The following MYL9 variants were observed in gnomAD, a reference collection of about 807,000 sequenced individuals.
MYL9 encodes the protein myosin light chain 9, also known as myosin regulatory light polypeptide 9.
MYL9 carries 7 observed loss-of-function variants against 12.8 expected under a neutral mutation model. The observed-to-expected ratio is 0.55, with a 90% CI of 0.31 to 1.03. MYL9 has a LOEUF of 1.03. Among genes scored for constraint, MYL9 ranks in the 50% least tolerant of loss-of-function variants. The probability of loss-of-function intolerance (pLI) is 0.05; values close to 1 mark genes in which losing one functional copy is unlikely to be tolerated. For missense variants in MYL9, 190 were observed against 242.7 expected, an observed-to-expected ratio of 0.78 and a Z score of 1.44; for synonymous variants, 81 against 87.8, an observed-to-expected ratio of 0.92 and a Z score of 0.43.
intron 3 of MYL9, among the ~76,000 whole-genome samples, 188 bp from the exon 4 acceptor site, chr20:36,548,889 G>A (rs758996024): frequency 2.6e-5 from 4 of 152,114 alleles, no homozygotes; most frequent in Middle Eastern, 3.4e-3. Flanking sequence ...CGTGGGATCC[G>A]ACACCCCTTC....
At chr20:36,544,104 T>A (rs1345921311) in intron 1 of MYL9, among the ~76,000 whole-genome samples, 2 of 152,042 alleles carry the variant, frequency 1.3e-5, no homozygotes, top group African/African-American at 4.8e-5. Context: ...AGAAGCCAGG[T>A]CTAAGCAAGG....
chr20:36,548,880 G>A (rs776097079), intron 3 of MYL9, among the ~76,000 whole-genome samples, 197 bp from the exon 4 acceptor site: 5 of 152,040 alleles, frequency 3.3e-5, no homozygotes, highest in African/African-American at 4.8e-5. Context: ...ACCCCTTCAC[G>A]TGGGATCCGA....
chr20:36,550,771 C>G lies in MYL9; in HGVS notation c.*1522C>G, dbSNP rs2038158551. 6.6e-6 allele frequency: 1 copy of G among 152,314 alleles called. No homozygotes were observed. The highest frequency in any genetic ancestry group is 1.5e-5 in the Non-Finnish European group (1 of 68,160). 9.4% of individuals were successfully genotyped at this position (152,314 alleles called of 1,614,324 possible). On this transcript the variant is annotated 3_prime_UTR_variant, in exon 4 of 4. Transcript: ENST00000279022. Reference sequence around the variant, plus strand: ...ACAGAGGCCCAAAAGTCCCTGGTATCAACTCCAGAAGGGGCGAGACCCGAA... The same window carrying G: ...ACAGAGGCCCAAAAGTCCCTGGTATGAACTCCAGAAGGGGCGAGACCCGAA...
At chr20:36,543,664 T>C (rs2038061903) in intron 1 of MYL9, among the ~76,000 whole-genome samples, 1 of 152,212 alleles carries the variant, frequency 6.6e-6, no homozygotes, top group South Asian at 2.1e-4. Context: ...TAGTCATTCA[T>C]CAAACAAGCA....
At chr20:36,545,796 G>A (rs546166267) in intron 2 of MYL9, among the ~76,000 whole-genome samples, 1 of 151,798 alleles carries the variant, frequency 6.6e-6, no homozygotes, top group South Asian at 2.1e-4. Context: ...GGGCGTGGTG[G>A]CGGGCGCCAG....
rs1479676510 is a variant in MYL9, at chr20:36,549,097, C to G, written c.367C>G (p.Leu123Val). 2 of 1,613,240 alleles carry G rather than the reference C, an allele frequency of 1.2e-6. No individual in the cohort carries two copies. Among genetic ancestry groups the G allele is most frequent in the Non-Finnish European group, 1.7e-6 (2 of 1,179,910 alleles). ...EASGFIHEDH[L>V]RELLTTMGDR... is the part of the protein sequence containing the mutation. ...CGCAGGTTTCATCCATGAGGACCACCTCCGGGAGCTGCTCACCACCATGGG... is the reference window on the plus strand; with the variant it reads ...CGCAGGTTTCATCCATGAGGACCACGTCCGGGAGCTGCTCACCACCATGGG... The change falls in exon 4 of 4, where the codon CTC becomes GTC. Residue 123 changes from leucine (L) to valine (V), a missense_variant. Transcript: ENST00000279022.
rs1403955045 is a variant in MYL9, at chr20:36,548,114, G to A, written c.267G>A (p.Met89Ile). The change falls in exon 3 of 4, where the codon ATG (methionine) becomes ATA (isoleucine). Residue 89 changes from methionine (M) to isoleucine (I), a missense_variant. Met to Ile is a conservative substitution (Grantham distance 10). Transcript: ENST00000279022. ...TCAACTTCACCATGTTCCTCACCAT[G>A]TTTGGGGAGAAGCTGAACGGCACGG... Reference protein sequence around the residue: ...GPINFTMFLTMFGEKLNGTDP... With the variant: ...GPINFTMFLTIFGEKLNGTDP... The A allele has an allele frequency of 6.2e-7, 1 of 1,614,044 alleles. No individual in the cohort carries two copies. Among genetic ancestry groups the A allele is most frequent in the Non-Finnish European group, 8.5e-7 (1 of 1,179,936 alleles).
At position 36,544,731 on chromosome 20, in the gene MYL9, G is replaced by C; in HGVS notation, c.-26-128G>C. 4.4e-6 allele frequency: 3 copies of C among 679,376 alleles called. No individual in the cohort carries two copies. In the Admixed American group the frequency reaches 8.8e-5, roughly 20 times the overall value. The allele number at this position is 679,376 out of a possible 1,614,324, so 42.1% of individuals were successfully genotyped here. On this transcript the variant is annotated intron_variant, in intron 1 of 3. Transcript: ENST00000279022. Reference sequence around the variant, plus strand: ...TGTCTGCTTTTGTGAAGAACTGGGTGGTGGGAGCCCCAAATCCGTGGGCAG... The same window carrying C: ...TGTCTGCTTTTGTGAAGAACTGGGTCGTGGGAGCCCCAAATCCGTGGGCAG...
Position 36,548,977 on chromosome 20 carries a change from C to A in MYL9, c.347-100C>A. On this transcript the variant is annotated intron_variant, in intron 3 of 3. Transcript: ENST00000279022. Reference sequence around the variant, plus strand: ...AGACTAAGATTGTATCTTCCCAGCCCCTCTAGGTCTGCAAGAGCTGCCAGG... The same window carrying A: ...AGACTAAGATTGTATCTTCCCAGCCACTCTAGGTCTGCAAGAGCTGCCAGG... 3 of 1,219,580 alleles carry A rather than the reference C, an allele frequency of 2.5e-6. No homozygotes were observed. In the South Asian group the frequency reaches 4.4e-5, roughly 18 times the overall value. 75.5% of individuals were successfully genotyped at this position (1,219,580 alleles called of 1,614,324 possible).
Position 36,550,834 on chromosome 20 carries a change from A to T in MYL9, c.*1585A>T, listed in dbSNP as rs2038159064. 6.6e-6 allele frequency: 1 copy of T among 152,484 alleles called. No individual in the cohort carries two copies. Among genetic ancestry groups the T allele is most frequent in the African/African-American group, 2.4e-5 (1 of 41,446 alleles). The allele number at this position is 152,484 out of a possible 1,614,324, so 9.4% of individuals were successfully genotyped here. On this transcript the variant is annotated 3_prime_UTR_variant, in exon 4 of 4. Coordinates refer to ENST00000279022, the MANE Select transcript of MYL9 (RefSeq NM_006097.5). ...CAGGCCCAAATAGTATCCCAAACTC[A>T]GTCCCAAACACATTCTCACCCCCGG... is the stretch of plus-strand genomic sequence containing the variant.
Position 36,549,217 on chromosome 20 carries a change from C to G in MYL9, c.487C>G (p.Leu163Val). 1 of 1,613,934 alleles carries G rather than the reference C, an allele frequency of 6.2e-7. No individual in the cohort carries two copies. The highest frequency in any genetic ancestry group is 8.5e-7 in the Non-Finnish European group (1 of 1,179,968). Reference sequence around the variant, plus strand: ...CAACTACGTGGAGTTCACCCGCATCCTCAAACATGGCGCCAAGGATAAAGA... The same window carrying G: ...CAACTACGTGGAGTTCACCCGCATCGTCAAACATGGCGCCAAGGATAAAGA... ...NFNYVEFTRI[L>V]KHGAKDKDD The change falls in exon 4 of 4, where the codon CTC becomes GTC. Residue 163 changes from leucine to valine, a missense_variant. Transcript: ENST00000279022.
chr20:36,542,296 G>C (rs2038046494), intron 1 of MYL9, among the ~76,000 whole-genome samples: 1 of 152,192 alleles, frequency 6.6e-6, no homozygotes, highest in African/African-American at 2.4e-5. Flanking sequence ...CACTGAGAAG[G>C]AGGCATCTGG....
rs531084717 is a variant in MYL9, at chr20:36,545,741, T to C, written c.184+673T>C. Among the ~76,000 whole-genome samples, 156 of 151,732 alleles carry C rather than the reference T, an allele frequency of 1.0e-3. 1 individual carries two copies. Among genetic ancestry groups the C allele is most frequent in the African/African-American group, 3.0e-3 (125 of 41,386 alleles). The stretch of plus-strand genomic sequence containing the variant: ...GTCAGAAGATCGAGATCATCCTGGC[T>C]AACATGGTGAAACCCCGTCTCTACT... On this transcript the variant is annotated intron_variant, in intron 2 of 3. Transcript: ENST00000279022.
At chr20:36,542,704 C>T (rs972717664) in intron 1 of MYL9, among the ~76,000 whole-genome samples, 1 of 152,212 alleles carries the variant, frequency 6.6e-6, no homozygotes, top group African/African-American at 2.4e-5. Context: ...CAGGTGGCCC[C>T]TCCCCCTCTC....
chr20:36,549,014 T>TACACA, intron 3 of MYL9, 63 bp from the exon 4 acceptor site: 1 of 1,516,812 alleles, frequency 6.6e-7, no homozygotes, highest in Non-Finnish European at 9.0e-7. Context: ...GGCTGAGGGA[T>TACACA]GGGGCTGCTG....
At chr20:36,545,358 G>T (rs541440619) in intron 2 of MYL9, among the ~76,000 whole-genome samples, 1 of 152,066 alleles carries the variant, frequency 6.6e-6, no homozygotes, top group African/African-American at 2.4e-5. Context: ...TTAGCCGAGC[G>T]TGGTGGCGGG....
In MYL9 at chr20:36,548,015, C is replaced by G. The variant is rs567223769; in HGVS notation, c.185-17C>G. On this transcript the variant is annotated splice_polypyrimidine_tract_variant and intron_variant, in intron 2 of 3. Transcript: ENST00000279022. ...GAGGGCCCAGGACCACAGGCTGGAA[C>G]ACCCCACCTGCCACAGGGAAGAACC... 8 of 1,592,174 alleles carry G rather than the reference C, an allele frequency of 5.0e-6. No homozygotes were observed. Among genetic ancestry groups the G allele is most frequent in the Middle Eastern group, 1.7e-4 (1 of 5,880 alleles).
chr20:36,548,382 T>TGGG (rs2038128227), intron 3 of MYL9, among the ~76,000 whole-genome samples, 189 bp downstream of exon 3: 2 of 152,192 alleles, frequency 1.3e-5, no homozygotes, highest in Non-Finnish European at 2.9e-5. Flanking sequence ...GCCCCAAGAC[T>TGGG]CCTGCCTTCG....
intron 3 of MYL9, among the ~76,000 whole-genome samples, chr20:36,548,626 A>G (rs1316259133): frequency 1.3e-5 from 2 of 152,156 alleles, no homozygotes; most frequent in East Asian, 3.9e-4. Context: ...ACGGTCCCTC[A>G]CTGCAATGGC....
Sources: gnomAD v4.1 joint callset for allele counts (sites outside exome capture counted in the v4.1 genomes callset) on GRCh38, gnomAD v4.1.1 for gene constraint, MANE v1.5 for transcripts, NCBI Gene and HGNC (gene_info 2026-07-23, HGNC 2026-07-21) for gene names.